SND1: variants seen among roughly 807,000 people sequenced by gnomAD.
SND1 encodes staphylococcal nuclease domain-containing protein 1.
Under a neutral mutation model 121.7 loss-of-function variants are expected in SND1, and 38 were observed. That is an observed-to-expected ratio of 0.31 (90% CI 0.24 to 0.41). The LOEUF is 0.41. Among genes scored for constraint, SND1 ranks in the 10% least tolerant of loss-of-function variants. The pLI, the probability that SND1 is intolerant of heterozygous loss-of-function variation, is 1.00. For missense variants in SND1, 868 were observed against 1,184.6 expected, an observed-to-expected ratio of 0.73 and a Z score of 3.92; for synonymous variants, 401 against 447.4, an observed-to-expected ratio of 0.90 and a Z score of 1.31.
chr7:127,882,255 T>C (rs1799805356), intron 12 of SND1, among the ~76,000 whole-genome samples: 1 of 151,352 alleles, frequency 6.6e-6, no homozygotes, highest in Non-Finnish European at 1.5e-5. Flanking sequence ...CCCTGTCCCT[T>C]TTATATATGT....
intron 12 of SND1, among the ~76,000 whole-genome samples, chr7:127,846,372 C>A (rs891563198): frequency 2.0e-5 from 3 of 152,136 alleles, no homozygotes; most frequent in Non-Finnish European, 4.4e-5. Flanking sequence ...TTAGACCAGC[C>A]TGGCAGGTAC....
chr7:127,943,033 T>C (rs1801251342), intron 15 of SND1, among the ~76,000 whole-genome samples: 1 of 152,230 alleles, frequency 6.6e-6, no homozygotes, highest in Non-Finnish European at 1.5e-5. Context: ...CATATCATAC[T>C]CACTCCTTAT....
At chr7:127,998,308 AGC>A in intron 16 of SND1, 1 of 239,224 alleles carries the variant, frequency 4.2e-6, no homozygotes, top group South Asian at 5.7e-5. Context: ...AAAAGTCCAT[AGC>A]CAAAACCTGA....
At chr7:127,668,283 A>G (rs1587581050) in intron 1 of SND1, among the ~76,000 whole-genome samples, 1 of 152,218 alleles carries the variant, frequency 6.6e-6, no homozygotes, top group Non-Finnish European at 1.5e-5. Flanking sequence ...TTCCTCATTC[A>G]GAAACATATG....
intron 16 of SND1, among the ~76,000 whole-genome samples, chr7:128,036,560 CAA>C (rs1792754656): frequency 6.6e-6 from 1 of 152,340 alleles, no homozygotes; most frequent in East Asian, 1.9e-4. Context: ...CAGGTCCCAT[CAA>C]GAGCAATTTT....
intron 15 of SND1, 99 bp downstream of exon 15, chr7:127,929,428 C>A: frequency 8.5e-7 from 1 of 1,172,296 alleles, no homozygotes; most frequent in South Asian, 1.4e-5. Context: ...CCCTAGAGCC[C>A]ACCAGCATGC....
chr7:127,723,506 A>G (rs1054182436), intron 10 of SND1, among the ~76,000 whole-genome samples: 1 of 152,234 alleles, frequency 6.6e-6, no homozygotes, highest in African/African-American at 2.4e-5. Context: ...AGATGGAGGA[A>G]TGATTTCCAT....
chr7:127,716,023 A>G (rs1265156452), intron 9 of SND1, among the ~76,000 whole-genome samples: 5 of 152,148 alleles, frequency 3.3e-5, no homozygotes, highest in African/African-American at 9.7e-5. Context: ...ATTTGACTGT[A>G]TATGCAAGGG....
intron 2 of SND1, among the ~76,000 whole-genome samples, chr7:127,689,230 T>C (rs924236029): frequency 2.2e-4 from 34 of 152,362 alleles, no homozygotes; most frequent in African/African-American, 8.2e-4. Context: ...CTAATTTCTC[T>C]TACTACAGAT....
At chr7:127,749,526 A>G (rs1797046623) in intron 10 of SND1, among the ~76,000 whole-genome samples, 1 of 152,080 alleles carries the variant, frequency 6.6e-6, no homozygotes, top group African/African-American at 2.4e-5. Context: ...AGGTGTGGAG[A>G]GGCTTAATTA....
At chr7:127,818,410 T>G (rs1798487242) in intron 11 of SND1, among the ~76,000 whole-genome samples, 1 of 152,204 alleles carries the variant, frequency 6.6e-6, no homozygotes, top group Non-Finnish European at 1.5e-5. Flanking sequence ...CAGAAGGATT[T>G]ACTCAACTAA....
At chr7:128,059,747 G>A (rs1382424479) in intron 16 of SND1, among the ~76,000 whole-genome samples, 1 of 152,158 alleles carries the variant, frequency 6.6e-6, no homozygotes, top group Non-Finnish European at 1.5e-5. Flanking sequence ...AGCTGTCTTT[G>A]TTAGGAAAGC....
At chr7:127,699,647 A>T (rs1351156899) in intron 4 of SND1, among the ~76,000 whole-genome samples, 1 of 152,200 alleles carries the variant, frequency 6.6e-6, no homozygotes, top group African/African-American at 2.4e-5. Flanking sequence ...GGTTTATAGT[A>T]TGTATATCAT....
At chr7:127,857,209 T>C (rs1715513557) in intron 12 of SND1, among the ~76,000 whole-genome samples, 1 of 143,138 alleles carries the variant, frequency 7.0e-6, no homozygotes, top group East Asian at 2.0e-4. Flanking sequence ...TTTTTTTTTT[T>C]TGAGATGGAG....
chr7:128,086,235 A>T (rs948128546), intron 20 of SND1, among the ~76,000 whole-genome samples: 3 of 152,082 alleles, frequency 2.0e-5, no homozygotes, highest in African/African-American at 7.2e-5. Flanking sequence ...TGGGAGAAAA[A>T]TTTCTCCGGC....
At chr7:127,977,164 C>T (rs1286916234) in intron 15 of SND1, among the ~76,000 whole-genome samples, 1 of 152,184 alleles carries the variant, frequency 6.6e-6, no homozygotes, top group Non-Finnish European at 1.5e-5. Context: ...CTCCCTGTTG[C>T]ACACTCCACC....
At chr7:127,800,997 T>C (rs906077796) in intron 10 of SND1, among the ~76,000 whole-genome samples, 2 of 152,240 alleles carry the variant, frequency 1.3e-5, no homozygotes, top group Admixed American at 1.3e-4. Context: ...GCTATGTTGC[T>C]CTAAATCAGC....
intron 16 of SND1, among the ~76,000 whole-genome samples, chr7:128,053,999 G>T (rs1793093469): frequency 6.6e-6 from 1 of 152,250 alleles, no homozygotes; most frequent in Non-Finnish European, 1.5e-5. Flanking sequence ...CAGGGGGCAG[G>T]CCCCTGGAGA....
intron 16 of SND1, among the ~76,000 whole-genome samples, chr7:128,033,000 C>T (rs532949071): frequency 2.0e-5 from 3 of 152,304 alleles, no homozygotes; most frequent in African/African-American, 7.2e-5. Context: ...ATTCATGGAG[C>T]TGCAGCCGCG....
Sources: gnomAD v4.1 joint callset for allele counts (sites outside exome capture counted in the v4.1 genomes callset) on GRCh38, gnomAD v4.1.1 for gene constraint, MANE v1.5 for transcripts, NCBI Gene and HGNC (gene_info 2026-07-23, HGNC 2026-07-21) for gene names.